The following SHISA9 variants were observed in gnomAD, a reference collection of about 807,000 sequenced individuals.
SHISA9 encodes protein shisa-9.
In SHISA9, 13 loss-of-function variants were observed where a neutral mutation model predicts 38.0. That is an observed-to-expected ratio of 0.34 (90% CI 0.22 to 0.54). SHISA9 has a LOEUF of 0.54. SHISA9 is among the 20% of genes least tolerant of loss of function. SHISA9 has a pLI of 0.91. For missense variants in SHISA9, 538 were observed against 575.8 expected (o/e 0.93, Z 0.67); for synonymous variants, 275 against 242.0 (o/e 1.14, Z -1.27).
rs79440444 is a variant in SHISA9 at position 12,912,164 on chromosome 16, A to G, written c.564-4524A>G. 9.8e-3 allele frequency among the ~76,000 whole-genome samples: 1,493 copies of G among 152,120 alleles called. 20 individuals are homozygous for G. Among genetic ancestry groups the G allele is most frequent in the African/African-American group, 0.034 (1,413 of 41,498 alleles). On this transcript the variant is annotated intron_variant, in intron 1 of 4. Transcript: ENST00000558583. ...TCTGACATTTCCTTCCCCATACCAA[A>G]TCGGTTTATGCAGTCCCTGGAGTGA...
At position 13,136,429 on chromosome 16, in the gene SHISA9, G is replaced by A. The variant is rs186181052; in HGVS notation, c.692-66965G>A. Among the ~76,000 whole-genome samples, 224 of 88,784 alleles carry A rather than the reference G, an allele frequency of 2.5e-3. 1 individual carries two copies. The highest frequency in any genetic ancestry group is 0.011 in the African/African-American group (213 of 18,640). The allele number at this position is 88,784 out of a possible 152,430, so 58.2% of individuals were successfully genotyped here. A position where few individuals can be genotyped will look rare whatever the true frequency, so the allele number is the denominator to read the frequency against. ...TTTTTTTTTTTTTTTTTGGAGTTTCGCTCTTGTTGCCCAGGCTGGAATGCA... is the reference window on the plus strand; with the variant it reads ...TTTTTTTTTTTTTTTTTGGAGTTTCACTCTTGTTGCCCAGGCTGGAATGCA... On this transcript the variant is annotated intron_variant, in intron 2 of 4. Transcript: ENST00000558583.
intron 1 of SHISA9, among the ~76,000 whole-genome samples, chr16:12,905,245 G>T (rs2071077438): frequency 6.6e-6 from 1 of 152,168 alleles, no homozygotes; most frequent in Non-Finnish European, 1.5e-5. Context: ...CTCAGGTGAG[G>T]TGCTGTGTCC....
intron 1 of SHISA9, among the ~76,000 whole-genome samples, chr16:12,913,430 C>T (rs749671306): frequency 6.6e-6 from 1 of 152,210 alleles, no homozygotes; most frequent in Non-Finnish European, 1.5e-5. Context: ...ATCCTGATCT[C>T]AGGTGATCCA....
chr16:13,153,250 AATGG>A (rs980919076), intron 2 of SHISA9, among the ~76,000 whole-genome samples: 3 of 152,184 alleles, frequency 2.0e-5, no homozygotes, highest in African/African-American at 7.2e-5. Flanking sequence ...CAACTTAGGA[AATGG>A]ATATAGAGCT....
the SHISA9 span, among the ~76,000 whole-genome samples, chr16:13,390,272 A>T: frequency 6.6e-6 from 1 of 152,154 alleles, no homozygotes; most frequent in Admixed American, 6.5e-5. Context: ...TCACGCCAGA[A>T]CCAAACCTGC....
At chr16:13,273,887 G>C in the SHISA9 span, among the ~76,000 whole-genome samples, 1 of 152,098 alleles carries the variant, frequency 6.6e-6, no homozygotes, top group Non-Finnish European at 1.5e-5. Context: ...TCTGGAATCG[G>C]AAATCACTTT....
chr16:13,275,653 G>C, the SHISA9 span, among the ~76,000 whole-genome samples: 1 of 152,014 alleles, frequency 6.6e-6, no homozygotes, highest in African/African-American at 2.4e-5. Context: ...AGAGCTTACC[G>C]TTAGTATGAT....
the SHISA9 span, among the ~76,000 whole-genome samples, chr16:13,558,079 A>G: frequency 6.6e-6 from 1 of 152,190 alleles, no homozygotes; most frequent in East Asian, 1.9e-4. Context: ...GTTGAAAAGA[A>G]TAAAATATAA....
At chr16:13,117,966 G>A (rs1341475893) in intron 2 of SHISA9, among the ~76,000 whole-genome samples, 6 of 152,096 alleles carry the variant, frequency 3.9e-5, no homozygotes, top group Non-Finnish European at 8.8e-5. Flanking sequence ...CGGATCGCCT[G>A]AGATCAGAAG....
the SHISA9 span, among the ~76,000 whole-genome samples, chr16:13,522,263 T>A: frequency 1.3e-5 from 2 of 152,118 alleles, no homozygotes; most frequent in African/African-American, 4.8e-5. Flanking sequence ...AGAAAGAAGG[T>A]TTTACATCAG....
In SHISA9 at chr16:13,213,507, G is replaced by T. The variant is rs112408290; in HGVS notation, c.895+207G>T. On this transcript the variant is annotated intron_variant, in intron 4 of 4. Coordinates refer to ENST00000558583, the MANE Select transcript of SHISA9 (RefSeq NM_001145204.3). ...GTGCATCTAGCAATTGTTGGACAAC[G>T]TGGTAGCCCTCACTTCCCAATATTT... Among the ~76,000 whole-genome samples, 674 of 152,230 alleles carry T rather than the reference G, an allele frequency of 4.4e-3. 5 individuals carry two copies. In the Middle Eastern group the frequency reaches 0.054, roughly 12 times the overall value.
intron 1 of SHISA9, chr16:12,908,946 T>A: frequency 1.0e-6 from 1 of 1,003,292 alleles, no homozygotes; most frequent in Non-Finnish European, 1.2e-6. Flanking sequence ...TAAAACATGC[T>A]TCAGAAGAAC....
the SHISA9 span, among the ~76,000 whole-genome samples, chr16:13,323,340 T>C: frequency 6.6e-6 from 1 of 152,198 alleles, no homozygotes; most frequent in Non-Finnish European, 1.5e-5. Flanking sequence ...AGTCAACAGA[T>C]GCATTTTATC....
the SHISA9 span, among the ~76,000 whole-genome samples, chr16:13,329,836 A>G: frequency 6.6e-6 from 1 of 152,186 alleles, no homozygotes; most frequent in African/African-American, 2.4e-5. Context: ...TTCGGGTTCA[A>G]TTTCTTGACT....
At chr16:13,296,487 T>C in the SHISA9 span, among the ~76,000 whole-genome samples, 2 of 151,894 alleles carry the variant, frequency 1.3e-5, no homozygotes, top group East Asian at 3.9e-4. Flanking sequence ...TGGTTGAAAA[T>C]GTTCTATGTG....
At chr16:12,962,507 A>G (rs2071924459) in intron 2 of SHISA9, among the ~76,000 whole-genome samples, 1 of 152,248 alleles carries the variant, frequency 6.6e-6, no homozygotes, top group Non-Finnish European at 1.5e-5. Context: ...AGATTAGAAT[A>G]TCATGAGGGT....
At chr16:13,479,545 T>C in the SHISA9 span, among the ~76,000 whole-genome samples, 2 of 152,212 alleles carry the variant, frequency 1.3e-5, no homozygotes, top group Non-Finnish European at 2.9e-5. Flanking sequence ...TGCAATCACC[T>C]GCATCATTTA....
At chr16:13,451,206 C>T in the SHISA9 span, among the ~76,000 whole-genome samples, 20 of 152,098 alleles carry the variant, frequency 1.3e-4, no homozygotes, top group African/African-American at 4.3e-4. Flanking sequence ...TGGAGTTCCC[C>T]GGGAGGATTA....
chr16:13,001,109 G>A (rs1361442998), intron 2 of SHISA9, among the ~76,000 whole-genome samples: 1 of 152,176 alleles, frequency 6.6e-6, no homozygotes, highest in African/African-American at 2.4e-5. Context: ...TGTATTTTTA[G>A]TAGAGACGGG....
Sources: allele counts gnomAD v4.1 joint callset (sites outside exome capture counted in the v4.1 genomes callset), GRCh38; gene constraint gnomAD v4.1.1; transcripts MANE v1.5; gene names NCBI Gene and HGNC (gene_info 2026-07-23, HGNC 2026-07-21).